The following ZNF536 variants were observed in gnomAD, a reference collection of about 807,000 sequenced individuals.
ZNF536 encodes the protein zinc finger protein 536.
A neutral mutation model predicts 84.5 loss-of-function variants in ZNF536; 13 were observed. The observed-to-expected ratio is 0.15, with a 90% confidence interval of 0.10 to 0.24. The LOEUF (loss-of-function observed/expected upper bound fraction) is 0.24. Ranked by LOEUF, ZNF536 falls within the 10% of genes least tolerant of loss-of-function variation. ZNF536 has a pLI of 1.00. For synonymous variants in ZNF536, 811 were observed against 742.5 expected (o/e 1.09, Z -1.50); for missense variants, 1,536 against 1,747.5 (o/e 0.88, Z 2.16).
chr19:30,531,565 G>A (rs988564395), intron 2 of ZNF536, among the ~76,000 whole-genome samples: 3 of 151,984 alleles, frequency 2.0e-5, no homozygotes, highest in East Asian at 1.9e-4. Flanking sequence ...CATAGCGGTC[G>A]ATAGGTAATT....
At position 30,541,866 on chromosome 19, in the gene ZNF536, G is replaced by A. The variant is rs544177720; in HGVS notation, c.2324-6077G>A. On this transcript the variant is annotated intron_variant, in intron 3 of 4. Transcript: ENST00000355537. ...TGGACAAGGCACTGTTTAGCAATAA[G>A]CAGCTGTGTGAAAAGTCTTCAGGTT... Among the ~76,000 whole-genome samples the A allele has an allele frequency of 1.1e-4, 16 of 152,310 alleles. No homozygotes were observed. In the South Asian group the frequency reaches 3.1e-3, roughly 30 times the overall value.
intron 4 of ZNF536, chr19:30,555,242 TAA>T (rs1287537778): frequency 6.6e-6 from 1 of 152,176 alleles, no homozygotes; most frequent in Non-Finnish European, 1.5e-5. Flanking sequence ...ATGATAGAGA[TAA>T]AAGAGCTTGG....
intron 2 of ZNF536, among the ~76,000 whole-genome samples, chr19:30,310,590 A>G (rs1415349666): frequency 6.6e-6 from 1 of 152,202 alleles, no homozygotes; most frequent in Non-Finnish European, 1.5e-5. Flanking sequence ...ATTTAAGGCG[A>G]AAAGTGGGGA....
intron 2 of ZNF536, among the ~76,000 whole-genome samples, chr19:30,494,522 G>A (rs1379527236): frequency 2.6e-5 from 4 of 152,196 alleles, no homozygotes; most frequent in African/African-American, 7.2e-5. Flanking sequence ...CCCAGCTCAC[G>A]TGGACTTTGG....
At chr19:30,617,333 C>CTTTTTTTTTTTTTTTTTTTTTTTTTTTT (rs556835599) in intron 1 of ZNF536, among the ~76,000 whole-genome samples, 3 of 37,712 alleles carry the variant, frequency 8.0e-5, no homozygotes, top group African/African-American at 1.4e-4. Context: ...GAATAGCTTA[C>CTTTTTTTTTTTTTTTTTTTTTTTTTTTT]TTTTTTTTTT....
intron 1 of ZNF536, among the ~76,000 whole-genome samples, chr19:30,681,991 T>G (rs976872088): frequency 2.0e-4 from 31 of 151,976 alleles, no homozygotes; most frequent in African/African-American, 7.2e-4. Flanking sequence ...TAATCGACAG[T>G]GCAAATGGGA....
At chr19:30,367,355 T>C (rs1056462618) in intron 3 of ZNF536, among the ~76,000 whole-genome samples, 3 of 152,186 alleles carry the variant, frequency 2.0e-5, no homozygotes, top group Non-Finnish European at 4.4e-5. Context: ...CTAACTTACA[T>C]GAAATAAAAG....
chr19:30,702,215 C>G (rs1166404138), intron 1 of ZNF536, among the ~76,000 whole-genome samples: 2 of 152,164 alleles, frequency 1.3e-5, no homozygotes, highest in Non-Finnish European at 2.9e-5. Flanking sequence ...ATCTCGTTTC[C>G]CCACTTTCGT....
intron 3 of ZNF536, among the ~76,000 whole-genome samples, chr19:30,360,496 G>C: frequency 6.6e-6 from 1 of 152,096 alleles, no homozygotes; most frequent in Non-Finnish European, 1.5e-5. Flanking sequence ...TTATTATATC[G>C]AGGCTGTTTA....
At chr19:30,502,916 A>T (rs1255702800) in intron 2 of ZNF536, among the ~76,000 whole-genome samples, 1 of 152,208 alleles carries the variant, frequency 6.6e-6, no homozygotes, top group African/African-American at 2.4e-5. Context: ...AACACAAAAT[A>T]AACAGAAACA....
At chr19:30,713,217 C>T (rs901247458) in exon 2 of ZNF536, 8 of 152,312 alleles carry the variant, frequency 5.3e-5, no homozygotes, top group African/African-American at 1.9e-4. Flanking sequence ...ACTTGTAATA[C>T]AAACAAGTGA....
intron 2 of ZNF536, among the ~76,000 whole-genome samples, chr19:30,318,635 G>T (rs1171162110): frequency 6.6e-6 from 1 of 152,106 alleles, no homozygotes; most frequent in Non-Finnish European, 1.5e-5. Context: ...GGCACATTAG[G>T]TGTGTGTGTG....
At chr19:30,231,228 A>G (rs140669316) in intron 1 of ZNF536, among the ~76,000 whole-genome samples, 86 of 152,380 alleles carry the variant, frequency 5.6e-4, no homozygotes, top group African/African-American at 1.5e-3. Context: ...AGCCTCTTCC[A>G]TGGCCTGTCT....
At chr19:30,433,407 C>A (rs559164096) in intron 1 of ZNF536, among the ~76,000 whole-genome samples, 1 of 152,362 alleles carries the variant, frequency 6.6e-6, no homozygotes, top group African/African-American at 2.4e-5. Flanking sequence ...TGTCTTGCCA[C>A]ATGTAGGCAT....
chr19:30,645,654 A>G (rs1321779314), intron 1 of ZNF536, among the ~76,000 whole-genome samples: 1 of 152,170 alleles, frequency 6.6e-6, no homozygotes, highest in Admixed American at 6.5e-5. Context: ...TAATACTTGC[A>G]TGTTAGGATC....
At chr19:30,333,323 C>A (rs900812897) in intron 2 of ZNF536, among the ~76,000 whole-genome samples, 3 of 152,162 alleles carry the variant, frequency 2.0e-5, no homozygotes, top group Non-Finnish European at 2.9e-5. Flanking sequence ...CAGAGACGTC[C>A]GGGAGTTGCA....
rs1449383870 is a variant in ZNF536 at position 30,445,084 on chromosome 19, G to A, written c.1522G>A (p.Ala508Thr). 6.2e-7 allele frequency: 1 copy of A among 1,613,580 alleles called. No homozygotes were observed. Among genetic ancestry groups the A allele is most frequent in the South Asian group, 1.1e-5 (1 of 91,080 alleles). ...ATCCAGCTGCATCGAGCGGCTGCAG[G>A]CGGCTGCCAAGGCTGCGGAGATGGA... ...LKSSCIERLQ[A>T]AAKAAEMDPV... is the part of the protein sequence containing the mutation. The change falls in exon 2 of 5, where the codon GCG becomes ACG. Residue 508 changes from alanine (A) to threonine (T), a missense_variant. By Grantham distance (58) the Ala-to-Thr change is moderately conservative. Coordinates refer to ENST00000355537, the MANE Select transcript of ZNF536 (RefSeq NM_014717.3). The surrounding 1 kb of genome is among the most constrained non-coding windows in gnomAD (Gnocchi z 4.5).
At chr19:30,679,675 G>A (rs1217784884) in intron 1 of ZNF536, among the ~76,000 whole-genome samples, 1 of 152,214 alleles carries the variant, frequency 6.6e-6, no homozygotes, top group Non-Finnish European at 1.5e-5. Flanking sequence ...TCAAAGGCAG[G>A]TGCGTGTCGG....
chr19:30,557,327 A>AT lies in ZNF536; in HGVS notation c.*163_*164insT. On this transcript the variant is annotated 3_prime_UTR_variant, in exon 5 of 5. Transcript: ENST00000355537. ...ATAGGTATGTGTATACACACGGTGC[A>AT]CCAATCTACAGTATATATAGCAGAG... is the stretch of plus-strand genomic sequence containing the variant. The AT allele has an allele frequency of 1.4e-6, 1 of 713,084 alleles. No homozygotes were observed. The highest frequency in any genetic ancestry group is 2.4e-6 in the Non-Finnish European group (1 of 413,100). 44.2% of individuals were successfully genotyped at this position (713,084 alleles called of 1,614,324 possible).
Sources: gnomAD v4.1 joint callset for allele counts (sites outside exome capture counted in the v4.1 genomes callset) on GRCh38, gnomAD v4.1.1 for gene constraint, Gnocchi (gnomAD v3.1) non-coding constraint, MANE v1.5 for transcripts, NCBI Gene and HGNC (gene_info 2026-07-23, HGNC 2026-07-21) for gene names.